Variants in THSD7B observed in about 807,000 individuals in gnomAD.
THSD7B encodes thrombospondin type 1 domain containing 7B.
In THSD7B, 138 loss-of-function variants were observed where a neutral mutation model predicts 213.6. That is an observed-to-expected ratio of 0.65 (90% CI 0.56 to 0.74). THSD7B has a LOEUF of 0.74. Among genes scored for constraint, THSD7B ranks in the 30% least tolerant of loss-of-function variants. THSD7B has a pLI of 0.00. For synonymous variants in THSD7B, 742 were observed against 687.0 expected, an observed-to-expected ratio of 1.08 and a Z score of -1.25; for missense variants, 1,931 against 1,991.5, an observed-to-expected ratio of 0.97 and a Z score of 0.58.
intron 11 of THSD7B, among the ~76,000 whole-genome samples, chr2:137,274,595 A>G (rs144530939): frequency 1.3e-5 from 2 of 152,172 alleles, no homozygotes; most frequent in East Asian, 3.9e-4. Context: ...AGTTTAATAA[A>G]GGAATTCCAA....
At chr2:137,312,237 A>G (rs1439904220) in intron 12 of THSD7B, among the ~76,000 whole-genome samples, 4 of 152,118 alleles carry the variant, frequency 2.6e-5, no homozygotes, top group Non-Finnish European at 5.9e-5. Context: ...AGTCTTGGGA[A>G]AGTGTATGTG....
chr2:137,577,133 T>C (rs1681481135), intron 17 of THSD7B, among the ~76,000 whole-genome samples: 1 of 152,076 alleles, frequency 6.6e-6, no homozygotes, highest in Non-Finnish European at 1.5e-5. Flanking sequence ...TAATCTGGAG[T>C]GTAAATTCTG....
intron 3 of THSD7B, among the ~76,000 whole-genome samples, chr2:137,091,709 T>C (rs1205740587): frequency 2.6e-5 from 4 of 152,074 alleles, no homozygotes; most frequent in African/African-American, 9.7e-5. Context: ...ACACCAGTCA[T>C]ATTGGATTAA....
At chr2:136,778,008 C>G (rs1681645819) in intron 1 of THSD7B, among the ~76,000 whole-genome samples, 1 of 152,062 alleles carries the variant, frequency 6.6e-6, no homozygotes, top group African/African-American at 2.4e-5. Flanking sequence ...CACAAATGTC[C>G]TTATAAGCAC....
chr2:137,301,761 T>C (rs1683607455), intron 12 of THSD7B, among the ~76,000 whole-genome samples: 4 of 151,984 alleles, frequency 2.6e-5, no homozygotes, highest in Admixed American at 2.6e-4. Context: ...ATTTAAGGAA[T>C]AGCAAAAGAC....
At chr2:136,807,257 A>C (rs1031548490) in intron 1 of THSD7B, among the ~76,000 whole-genome samples, 3 of 152,162 alleles carry the variant, frequency 2.0e-5, no homozygotes, top group Non-Finnish European at 2.9e-5. Flanking sequence ...ACTTATTTGG[A>C]ATTTTTCTGT....
chr2:137,587,206 T>C (rs1438184227), intron 17 of THSD7B, among the ~76,000 whole-genome samples: 1 of 152,248 alleles, frequency 6.6e-6, no homozygotes, highest in East Asian at 1.9e-4. Flanking sequence ...TAAGGACTTC[T>C]CTACACTGGT....
intron 7 of THSD7B, among the ~76,000 whole-genome samples, chr2:137,189,684 C>A (rs71419531): frequency 0.045 from 6,905 of 151,944 alleles, 199 homozygotes; most frequent in Admixed American, 0.069. Context: ...CTCTGCATTG[C>A]ATGTTTTTGT....
chr2:136,848,971 T>C (rs1432230458), intron 1 of THSD7B, among the ~76,000 whole-genome samples: 2 of 152,168 alleles, frequency 1.3e-5, no homozygotes, highest in Non-Finnish European at 2.9e-5. Flanking sequence ...TTATGGCATC[T>C]CTGAGTATTC....
chr2:136,768,972 G>A (rs936512684), intron 1 of THSD7B, among the ~76,000 whole-genome samples: 17 of 152,140 alleles, frequency 1.1e-4, no homozygotes, highest in African/African-American at 4.1e-4. Flanking sequence ...TCCACTTCTA[G>A]TCTAGAAATT....
chr2:137,211,376 ATAG>A (rs138920983), intron 7 of THSD7B, among the ~76,000 whole-genome samples: 40,980 of 143,902 alleles, frequency 0.28, 6,680 homozygotes, highest in East Asian at 0.48. Context: ...GGAATATATT[ATAG>A]ATGTTATAGT....
chr2:137,110,532 C>T (rs1028796233), intron 4 of THSD7B, among the ~76,000 whole-genome samples: 2 of 152,206 alleles, frequency 1.3e-5, no homozygotes, highest in Non-Finnish European at 2.9e-5. Context: ...TGCTCTCTCA[C>T]TCAAAGTAGG....
chr2:137,117,729 C>T (rs1378691727), intron 5 of THSD7B, among the ~76,000 whole-genome samples: 2 of 152,132 alleles, frequency 1.3e-5, no homozygotes, highest in Admixed American at 1.3e-4. Context: ...AATTTACAAT[C>T]TTGGGGGGGA....
rs377406339 is a variant in THSD7B, at chr2:137,057,146, A to C, written c.866A>C (p.His289Pro). The change falls in exon 3 of 28, where the codon CAT becomes CCT. Residue 289 changes from histidine (H) to proline (P), a missense_variant. Coordinates refer to ENST00000409968, the MANE Select transcript of THSD7B (RefSeq NM_001316349.2). ...FKHQSYKAHH[H>P]SKSWAIEIGY... ...CATCAAAGTTACAAAGCACATCATC[A>C]TTCGAAGTCTTGGGCAATAGAGATA... The C allele has an allele frequency of 8.7e-6, 14 of 1,613,872 alleles. No individual in the cohort carries two copies. In the Admixed American group the frequency reaches 1.0e-4, roughly 12 times the overall value.
intron 3 of THSD7B, among the ~76,000 whole-genome samples, chr2:137,058,802 T>G (rs575577670): frequency 1.3e-5 from 2 of 152,184 alleles, no homozygotes; most frequent in South Asian, 2.1e-4. Flanking sequence ...CTCACTCTTT[T>G]TCTGCCATTT....
At chr2:137,403,561 C>T (rs563557697) in intron 12 of THSD7B, among the ~76,000 whole-genome samples, 1 of 152,272 alleles carries the variant, frequency 6.6e-6, no homozygotes, top group African/African-American at 2.4e-5. Context: ...AGCAAATATC[C>T]ATTAACATAC....
At chr2:137,049,349 A>G (rs944358528) in intron 2 of THSD7B, among the ~76,000 whole-genome samples, 8 of 152,248 alleles carry the variant, frequency 5.3e-5, no homozygotes, top group Non-Finnish European at 8.8e-5. Context: ...GCTACAAATA[A>G]TTAAATTGCA....
At chr2:137,637,830 G>A (rs965254250) in intron 20 of THSD7B, among the ~76,000 whole-genome samples, 1 of 152,060 alleles carries the variant, frequency 6.6e-6, no homozygotes, top group Non-Finnish European at 1.5e-5. Context: ...AGTCTCTTTG[G>A]CCATGATAAA....
chr2:136,844,484 G>GAGAGAGAGAGAC (rs1682969700), intron 1 of THSD7B, among the ~76,000 whole-genome samples: 1 of 149,530 alleles, frequency 6.7e-6, no homozygotes. Context: ...GAGAGAGAGA[G>GAGAGAGAGAGAC]AGAGAGAGAG....
Sources: allele counts gnomAD v4.1 joint callset (sites outside exome capture counted in the v4.1 genomes callset), GRCh38; gene constraint gnomAD v4.1.1; transcripts MANE v1.5; gene names NCBI Gene and HGNC (gene_info 2026-07-23, HGNC 2026-07-21).